Variants in MARS2 observed in about 807,000 individuals in gnomAD.
MARS2 encodes the protein methionine--tRNA ligase, mitochondrial.
In MARS2, 33 loss-of-function variants were observed where a neutral mutation model predicts 43.8. That is an observed-to-expected ratio of 0.75 (90% CI 0.57 to 1.01). MARS2 has a LOEUF of 1.01. Ranked by LOEUF, MARS2 falls within the 50% of genes least tolerant of loss-of-function variation. The probability of loss-of-function intolerance (pLI) is 0.00; values close to 1 mark genes in which losing one functional copy is unlikely to be tolerated. For synonymous variants in MARS2, 351 were observed against 325.5 expected, an observed-to-expected ratio of 1.08 and a Z score of -0.84; for missense variants, 720 against 763.0, an observed-to-expected ratio of 0.94 and a Z score of 0.66.
rs1415290125 is a variant in MARS2 at position 197,706,798 on chromosome 2, G to T, written c.1393G>T (p.Asp465Tyr). 2.5e-6 allele frequency: 4 copies of T among 1,613,984 alleles called. No individual in the cohort carries two copies. Among genetic ancestry groups the T allele is most frequent in the Non-Finnish European group, 3.4e-6 (4 of 1,180,050 alleles). The change falls in exon 1 of 1, where the codon GAT becomes TAT. Residue 465 changes from aspartate (D) to tyrosine (Y), a missense_variant. Coordinates refer to ENST00000282276, the MANE Select transcript of MARS2 (RefSeq NM_138395.4). ...GCCAAAGCAGGTAGCAGACCACTATGATAACTTTCGGATATATAAGGCTCT... is the reference window on the plus strand; with the variant it reads ...GCCAAAGCAGGTAGCAGACCACTATTATAACTTTCGGATATATAAGGCTCT... ...TLPKQVADHY[D>Y]NFRIYKALEA...
In MARS2 at chr2:197,706,455, G is replaced by A; in HGVS notation, c.1050G>A (p.Lys350=). ...CAGTCTGTGGCCAAAAGATGTCCAA[G>A]AGCTTGGGCAACGTGGTGGATCCTA... is the stretch of plus-strand genomic sequence containing the variant. ...HWTVCGQKMS[K]SLGNVVDPRT... The change falls in exon 1 of 1, where the codon AAG becomes AAA. Residue 350 remains lysine (K), a synonymous_variant. Transcript: ENST00000282276. 1.2e-6 allele frequency: 2 copies of A among 1,613,822 alleles called. No homozygotes were observed. Among genetic ancestry groups the A allele is most frequent in the Non-Finnish European group, 1.7e-6 (2 of 1,180,042 alleles).
Sources: allele counts gnomAD v4.1 joint callset, GRCh38; gene constraint gnomAD v4.1.1; transcripts MANE v1.5; gene names NCBI Gene and HGNC (gene_info 2026-07-23, HGNC 2026-07-21).